The following ARHGAP15 variants were observed in gnomAD, a reference collection of about 807,000 sequenced individuals.
ARHGAP15 encodes the protein rho GTPase-activating protein 15.
A neutral mutation model predicts 63.7 loss-of-function variants in ARHGAP15; 51 were observed. The observed-to-expected ratio is 0.80, with a 90% CI of 0.64 to 1.01. ARHGAP15 has a LOEUF of 1.01. Among genes scored for constraint, ARHGAP15 ranks in the 50% least tolerant of loss-of-function variants. ARHGAP15 has a pLI of 0.00. For missense variants in ARHGAP15, 560 were observed against 564.6 expected (o/e 0.99, Z 0.08); for synonymous variants, 191 against 193.8 (o/e 0.99, Z 0.12).
chr2:143,435,566 C>G, intron 6 of ARHGAP15, 35 bp from the exon 7 acceptor site: 1 of 1,505,942 alleles, frequency 6.6e-7, no homozygotes, highest in Non-Finnish European at 8.7e-7. Context: ...GTTTCTTTAC[C>G]TGTCTATTTC....
At chr2:143,313,861 A>T (rs1683563501) in intron 6 of ARHGAP15, among the ~76,000 whole-genome samples, 1 of 152,042 alleles carries the variant, frequency 6.6e-6, no homozygotes, top group Non-Finnish European at 1.5e-5. Context: ...TTTAACATTC[A>T]TGCTGTTGTA....
In ARHGAP15 at chr2:143,369,192, A is replaced by G. The variant is rs1490529001; in HGVS notation, c.475-66409A>G. ...CTATGTAAGAAGGCATCTTATAACTATGTTCATAGTATATTGTTCATCTCA... is the reference window on the plus strand; with the variant it reads ...CTATGTAAGAAGGCATCTTATAACTGTGTTCATAGTATATTGTTCATCTCA... On this transcript the variant is annotated intron_variant, in intron 6 of 13. Transcript: ENST00000295095. Among the ~76,000 whole-genome samples the G allele has an allele frequency of 5.9e-5, 9 of 152,160 alleles. No homozygotes were observed. The East Asian group carries it at 1.5e-3, about 26-fold the overall frequency.
intron 10 of ARHGAP15, among the ~76,000 whole-genome samples, chr2:143,530,216 AG>A: frequency 6.6e-6 from 1 of 152,250 alleles, no homozygotes; most frequent in East Asian, 1.9e-4. Context: ...TAAAAGTGAA[AG>A]TAAGGGTTTT....
At chr2:143,200,425 G>GATCT (rs71301733) in intron 2 of ARHGAP15, among the ~76,000 whole-genome samples, 23,886 of 147,328 alleles carry the variant, frequency 0.16, 1,998 homozygotes, top group Middle Eastern at 0.24. Flanking sequence ...CACAGACATT[G>GATCT]ATCTAATTCC....
chr2:143,410,923 G>A (rs1443049633), intron 6 of ARHGAP15, among the ~76,000 whole-genome samples: 1 of 152,060 alleles, frequency 6.6e-6, no homozygotes, highest in African/African-American at 2.4e-5. Flanking sequence ...ATCGTAGGAG[G>A]CCAGGCGTGA....
chr2:143,761,589 A>G (rs1463603159), intron 13 of ARHGAP15, among the ~76,000 whole-genome samples: 3 of 152,094 alleles, frequency 2.0e-5, no homozygotes, highest in Non-Finnish European at 2.9e-5. Context: ...ATTCAGCATT[A>G]ATTTTTGGTT....
chr2:143,713,199 G>A (rs1559139915), intron 13 of ARHGAP15, among the ~76,000 whole-genome samples: 1 of 152,140 alleles, frequency 6.6e-6, no homozygotes, highest in Non-Finnish European at 1.5e-5. Flanking sequence ...TGGCTGAGGT[G>A]GAGAGACCTC....
At chr2:143,665,207 A>G (rs1008661235) in intron 12 of ARHGAP15, among the ~76,000 whole-genome samples, 3 of 146,778 alleles carry the variant, frequency 2.0e-5, no homozygotes, top group Non-Finnish European at 4.5e-5. Context: ...CACATCATAA[A>G]GCTTATCCAC....
chr2:143,483,629 T>A (rs1405915119), intron 8 of ARHGAP15, among the ~76,000 whole-genome samples: 1 of 152,216 alleles, frequency 6.6e-6, no homozygotes, highest in African/African-American at 2.4e-5. Context: ...GGACTTTGAC[T>A]ACAGCTGTCA....
intron 12 of ARHGAP15, among the ~76,000 whole-genome samples, chr2:143,626,253 G>T (rs779112389): frequency 1.3e-5 from 2 of 152,184 alleles, no homozygotes; most frequent in Non-Finnish European, 2.9e-5. Flanking sequence ...GTAAGAGGGT[G>T]CACAAACAGT....
At chr2:143,609,352 AG>A (rs1027174380) in intron 11 of ARHGAP15, among the ~76,000 whole-genome samples, 9 of 152,320 alleles carry the variant, frequency 5.9e-5, no homozygotes, top group African/African-American at 2.2e-4. Flanking sequence ...GGGCACAACA[AG>A]GCATGTTAAG....
chr2:143,198,638 C>T lies in ARHGAP15; in HGVS notation c.166-3496C>T, dbSNP rs116382092. 5.3e-3 allele frequency among the ~76,000 whole-genome samples: 810 copies of T among 152,132 alleles called. 4 individuals are homozygous for T. Among genetic ancestry groups the T allele is most frequent in the Non-Finnish European group, 8.4e-3 (569 of 67,982 alleles). ...AATATGTACACCACACATTTCCAAA[C>T]ACTGCTTTAAATAAAAGCTTTCTAT... On this transcript the variant is annotated intron_variant, in intron 2 of 13. Transcript: ENST00000295095.
intron 11 of ARHGAP15, among the ~76,000 whole-genome samples, chr2:143,567,111 G>T (rs192089918): frequency 6.6e-6 from 1 of 152,074 alleles, no homozygotes; most frequent in East Asian, 1.9e-4. Flanking sequence ...TCCTGACCTC[G>T]TGATCTGCCC....
intron 13 of ARHGAP15, among the ~76,000 whole-genome samples, chr2:143,762,334 G>C (rs1207561477): frequency 6.6e-6 from 1 of 152,076 alleles, no homozygotes; most frequent in East Asian, 1.9e-4. Flanking sequence ...TTGCCTTTTG[G>C]CCTTTGTTTT....
At chr2:143,257,010 C>A (rs576515113) in intron 6 of ARHGAP15, among the ~76,000 whole-genome samples, 25 of 152,090 alleles carry the variant, frequency 1.6e-4, no homozygotes, top group Non-Finnish European at 3.1e-4. Flanking sequence ...TCTTTTTGCA[C>A]GTTTAATTTT....
At chr2:143,154,666 AC>A (rs2105008348) in intron 1 of ARHGAP15, among the ~76,000 whole-genome samples, 1 of 151,900 alleles carries the variant, frequency 6.6e-6, no homozygotes, top group African/African-American at 2.4e-5. Context: ...TTGGGGAGGG[AC>A]ATTTGAAGAG....
chr2:143,159,486 T>C (rs898538549), intron 2 of ARHGAP15, among the ~76,000 whole-genome samples: 1 of 151,916 alleles, frequency 6.6e-6, no homozygotes, highest in African/African-American at 2.4e-5. Flanking sequence ...TGTCCTGAAG[T>C]GGATCCTGAT....
chr2:143,316,859 TTATAG>T (rs947998271), intron 6 of ARHGAP15, among the ~76,000 whole-genome samples: 34 of 152,282 alleles, frequency 2.2e-4, no homozygotes, highest in African/African-American at 7.2e-4. Flanking sequence ...TTCACTCCTC[TTATAG>T]TATATTTTCC....
At chr2:143,284,961 A>G (rs928642296) in intron 6 of ARHGAP15, among the ~76,000 whole-genome samples, 1 of 152,308 alleles carries the variant, frequency 6.6e-6, no homozygotes, top group South Asian at 2.1e-4. Flanking sequence ...TGGGTTTTAC[A>G]TAACATATAA....
Sources: allele counts gnomAD v4.1 joint callset (sites outside exome capture counted in the v4.1 genomes callset), GRCh38; gene constraint gnomAD v4.1.1; transcripts MANE v1.5; gene names NCBI Gene and HGNC (gene_info 2026-07-23, HGNC 2026-07-21).